Variants in PHF21B observed in about 807,000 individuals in gnomAD.
PHF21B encodes PHD finger protein 21B, also known as PHD finger protein 4.
In PHF21B, 22 loss-of-function variants were observed where a neutral mutation model predicts 62.2. The ratio of observed to expected loss-of-function variants is 0.35; its 90% confidence interval spans 0.25 to 0.51. PHF21B has a LOEUF of 0.51. Among genes scored for constraint, PHF21B ranks in the 20% least tolerant of loss-of-function variants. The probability of loss-of-function intolerance (pLI) is 0.97; values close to 1 mark genes in which losing one functional copy is unlikely to be tolerated. For synonymous variants in PHF21B, 341 were observed against 314.7 expected, an observed-to-expected ratio of 1.08 and a Z score of -0.88; for missense variants, 701 against 707.9, an observed-to-expected ratio of 0.99 and a Z score of 0.11.
At chr22:44,966,786 C>T (rs1027438331) in intron 2 of PHF21B, among the ~76,000 whole-genome samples, 1 of 152,146 alleles carries the variant, frequency 6.6e-6, no homozygotes, top group African/African-American at 2.4e-5. Context: ...GGAGTGAGGT[C>T]CAGTCCAAGA....
chr22:44,944,464 A>C (rs1414310607), intron 2 of PHF21B, among the ~76,000 whole-genome samples: 6 of 152,124 alleles, frequency 3.9e-5, no homozygotes. Context: ...TCGAGACTTA[A>C]TGAGGGCCAC....
intron 2 of PHF21B, among the ~76,000 whole-genome samples, chr22:44,927,992 G>A (rs369369511): frequency 5.1e-4 from 78 of 152,198 alleles, no homozygotes; most frequent in Admixed American, 2.4e-3. Flanking sequence ...TCTCTAGGAA[G>A]CTCAGACACG....
intron 2 of PHF21B, among the ~76,000 whole-genome samples, chr22:44,956,627 AG>A (rs1257480385): frequency 1.3e-5 from 2 of 151,000 alleles, no homozygotes; most frequent in Non-Finnish European, 1.5e-5. Context: ...GCTGCTGCCC[AG>A]GGAGACCTCG....
intron 2 of PHF21B, among the ~76,000 whole-genome samples, chr22:44,955,213 C>A (rs1162264214): frequency 2.0e-5 from 3 of 152,186 alleles, no homozygotes; most frequent in African/African-American, 7.2e-5. Flanking sequence ...GCCAGCACAG[C>A]GCCTGGGAGG....
Position 44,896,880 on chromosome 22 carries a change from G to GTTTTTTTTTTTTT in PHF21B, c.832-810_832-798dup, listed in dbSNP as rs56878868. On this transcript the variant is annotated intron_variant, in intron 5 of 12. Transcript: ENST00000313237. ...AACAGGGTGGCACTTAGTTTTATCT[G>GTTTTTTTTTTTTT]TTTTTTTTTTTTTTTTGAGACAGGT... 5.0e-3 allele frequency among the ~76,000 whole-genome samples: 424 copies of GTTTTTTTTTTTTT among 83,974 alleles called. 54 individuals are homozygous for GTTTTTTTTTTTTT. Among genetic ancestry groups the GTTTTTTTTTTTTT allele is most frequent in the African/African-American group, 0.013 (304 of 24,200 alleles). 55.1% of individuals were successfully genotyped at this position (83,974 alleles called of 152,430 possible).
intron 2 of PHF21B, among the ~76,000 whole-genome samples, chr22:44,928,328 T>A (rs1339042575): frequency 6.6e-6 from 1 of 152,202 alleles, no homozygotes; most frequent in Non-Finnish European, 1.5e-5. Context: ...AAGCAGGACC[T>A]GGTCCAGGAC....
At chr22:44,901,023 G>T (rs1249773138) in intron 5 of PHF21B, among the ~76,000 whole-genome samples, 2 of 152,346 alleles carry the variant, frequency 1.3e-5, no homozygotes, top group East Asian at 1.9e-4. Flanking sequence ...GAAAAGTGGG[G>T]TCTGTCAAAC....
At position 44,920,175 on chromosome 22, in the gene PHF21B, A is replaced by T. The variant is rs986852194; in HGVS notation, c.213+223T>A. ...TCCATTTTAAAAAATTCTGGTCATG[A>T]CCCACTAAATTGATTTCCCAATTCC... is the stretch of plus-strand genomic sequence containing the variant. On this transcript the variant is annotated intron_variant, in intron 3 of 12. Transcript: ENST00000313237. Among the ~76,000 whole-genome samples the T allele has an allele frequency of 2.6e-5, 4 of 152,204 alleles. No individual in the cohort carries two copies. In the South Asian group the frequency reaches 8.3e-4, roughly 32 times the overall value.
chr22:44,988,850 C>G (rs1272207994), intron 2 of PHF21B, among the ~76,000 whole-genome samples: 1 of 152,196 alleles, frequency 6.6e-6, no homozygotes, highest in Non-Finnish European at 1.5e-5. Flanking sequence ...GTTCTGGAGG[C>G]TGGGAAGTCC....
At chr22:44,981,311 G>C (rs573003711) in intron 2 of PHF21B, among the ~76,000 whole-genome samples, 1 of 152,182 alleles carries the variant, frequency 6.6e-6, no homozygotes, top group Non-Finnish European at 1.5e-5. Flanking sequence ...CTCGGATACT[G>C]TCTCCAGCAG....
In PHF21B at chr22:44,968,678, A is replaced by G. The variant is rs530440345; in HGVS notation, c.120+39867T>C. Among the ~76,000 whole-genome samples the G allele has an allele frequency of 3.3e-5, 5 of 150,898 alleles. No individual in the cohort carries two copies. The South Asian group carries it at 1.1e-3, about 32-fold the overall frequency. ...AAAAAAAAAAAATACCTGGGACCAT[A>G]CATGTTTTGGAATTTATATTTTTTG... On this transcript the variant is annotated intron_variant, in intron 2 of 12. Transcript: ENST00000313237.
chr22:44,945,074 T>C (rs1318836644), intron 2 of PHF21B, among the ~76,000 whole-genome samples: 1 of 152,234 alleles, frequency 6.6e-6, no homozygotes, highest in Non-Finnish European at 1.5e-5. Context: ...GTTTCCCGTA[T>C]TAATTTCCTG....
intron 8 of PHF21B, 49 bp from the exon 9 acceptor site, chr22:44,889,831 G>A: frequency 6.5e-7 from 1 of 1,528,034 alleles, no homozygotes; most frequent in African/African-American, 1.4e-5. Context: ...CGTCAGAGGA[G>A]CACAGATCAG....
intron 6 of PHF21B, among the ~76,000 whole-genome samples, chr22:44,894,242 T>C (rs1375366792): frequency 2.0e-5 from 3 of 152,226 alleles, no homozygotes; most frequent in African/African-American, 4.8e-5. Flanking sequence ...GAATTAAGGA[T>C]ATCACAGCAG....
At chr22:44,974,514 A>C (rs578225471) in intron 2 of PHF21B, among the ~76,000 whole-genome samples, 41 of 152,094 alleles carry the variant, frequency 2.7e-4, no homozygotes, top group Non-Finnish European at 4.6e-4. Flanking sequence ...CGACATACCC[A>C]CATGTGTTGG....
At chr22:44,883,815 C>T (rs1350934815) in intron 12 of PHF21B, among the ~76,000 whole-genome samples, 9 of 152,060 alleles carry the variant, frequency 5.9e-5, no homozygotes, top group African/African-American at 1.2e-4. Flanking sequence ...ACAACCTCCC[C>T]GAGATGGTTT....
chr22:44,901,840 T>A, intron 5 of PHF21B: 1 of 272,604 alleles, frequency 3.7e-6, no homozygotes. Flanking sequence ...AGGAGAAGGT[T>A]CTTGCAACTG....
chr22:44,920,815 G>A (rs1402530599), intron 2 of PHF21B, among the ~76,000 whole-genome samples: 1 of 152,216 alleles, frequency 6.6e-6, no homozygotes, highest in Non-Finnish European at 1.5e-5. Flanking sequence ...AGGACAAGGT[G>A]TGATGTCGCT....
intron 2 of PHF21B, among the ~76,000 whole-genome samples, chr22:44,922,765 T>C (rs1160233724): frequency 2.0e-5 from 3 of 152,136 alleles, no homozygotes; most frequent in South Asian, 2.1e-4. Context: ...AATCTGACAA[T>C]AGCTATATAA....
Sources: gnomAD v4.1 joint callset for allele counts (sites outside exome capture counted in the v4.1 genomes callset) on GRCh38, gnomAD v4.1.1 for gene constraint, MANE v1.5 for transcripts, NCBI Gene and HGNC (gene_info 2026-07-23, HGNC 2026-07-21) for gene names.